The following HDC variants were observed in gnomAD, a reference collection of about 807,000 sequenced individuals.
The protein encoded by HDC is histidine decarboxylase.
Under a neutral mutation model 64.4 loss-of-function variants are expected in HDC, and 27 were observed. That is an observed-to-expected ratio of 0.42 (90% CI 0.31 to 0.58). The LOEUF (loss-of-function observed/expected upper bound fraction) is 0.58. Among genes scored for constraint, HDC ranks in the 20% least tolerant of loss-of-function variants. HDC has a pLI of 0.16. For missense variants in HDC, 711 were observed against 833.9 expected (o/e 0.85, Z 1.81); for synonymous variants, 305 against 314.2 (o/e 0.97, Z 0.31).
chr15:50,248,830 G>A lies in HDC; in HGVS notation c.1042-487C>T, dbSNP rs2045517089. On this transcript the variant is annotated intron_variant, in intron 9 of 11. Coordinates refer to ENST00000267845, the MANE Select transcript of HDC (RefSeq NM_002112.4). The surrounding 1 kb of genome is among the most constrained non-coding windows in gnomAD (Gnocchi z 4.3). ...CCTCCAGCTGTGCCACTTACTAGCT[G>A]TGTGACCTTGGGTAGTGCCACCTCA... 1.3e-5 allele frequency among the ~76,000 whole-genome samples: 2 copies of A among 152,340 alleles called. No homozygotes were observed. Among genetic ancestry groups the A allele is most frequent in the South Asian group, 2.1e-4 (1 of 4,830 alleles).
chr15:50,253,767 C>G, intron 6 of HDC, 101 bp from the exon 7 acceptor site: 1 of 886,192 alleles, frequency 1.1e-6, no homozygotes, highest in Non-Finnish European at 1.9e-6. Context: ...TCCCATCCAT[C>G]CCACCAGAAC....
In HDC at chr15:50,265,705, C is replaced by G; in HGVS notation, c.-82G>C. On this transcript the variant is annotated 5_prime_UTR_variant, in exon 1 of 12. Transcript: ENST00000267845. ...AAAGGCGTGGAGCAGCCCGGCTTCCCTCTTGCCAGTCCTGCGCACTCCCTG... is the reference window on the plus strand; with the variant it reads ...AAAGGCGTGGAGCAGCCCGGCTTCCGTCTTGCCAGTCCTGCGCACTCCCTG... 3 of 1,343,324 alleles carry G rather than the reference C, an allele frequency of 2.2e-6. No individual in the cohort carries two copies. The South Asian group carries it at 3.6e-5, about 16-fold the overall frequency. The allele number at this position is 1,343,324 out of a possible 1,614,324, so 83.2% of individuals were successfully genotyped here. A position where few individuals can be genotyped will look rare whatever the true frequency, so the allele number is the denominator to read the frequency against.
At chr15:50,263,444 T>G in intron 1 of HDC, 37 bp from the exon 2 acceptor site, 1 of 1,593,242 alleles carries the variant, frequency 6.3e-7, no homozygotes, top group Non-Finnish European at 8.6e-7. Flanking sequence ...TGAAATCCCC[T>G]GACTGGGCCT....
At position 50,252,499 on chromosome 15, in the gene HDC, C is replaced by T. The variant is rs752914665; in HGVS notation, c.972G>A (p.Leu324=). Reference sequence around the variant, plus strand: ...TGGGATTCACACTGAAGGTCTGCTGCAGCTTGTACTTGTCCTTGACCCTGT... The same window carrying T: ...TGGGATTCACACTGAAGGTCTGCTGTAGCTTGTACTTGTCCTTGACCCTGT... ...TGFWVKDKYK[L]QQTFSVNPIY... The change falls in exon 9 of 12, where the codon CTG becomes CTA. Residue 324 remains leucine (L), a synonymous_variant. Coordinates refer to ENST00000267845, the MANE Select transcript of HDC (RefSeq NM_002112.4). 2.5e-6 allele frequency: 4 copies of T among 1,614,210 alleles called. No homozygotes were observed. In the Admixed American group the frequency reaches 6.7e-5, roughly 27 times the overall value.
At chr15:50,251,805 C>A (rs2045558353) in intron 9 of HDC, among the ~76,000 whole-genome samples, 1 of 150,100 alleles carries the variant, frequency 6.7e-6, no homozygotes, top group Admixed American at 6.7e-5. Flanking sequence ...GCTCTCCAGC[C>A]TGGTTGACAG....
intron 9 of HDC, among the ~76,000 whole-genome samples, chr15:50,250,188 G>A (rs1436458499): frequency 6.6e-6 from 1 of 152,220 alleles, no homozygotes. Context: ...TCTCTCCTGG[G>A]ATGCTGCCCT....
At chr15:50,253,988 A>G in intron 6 of HDC, 142 bp downstream of exon 6, 1 of 847,692 alleles carries the variant, frequency 1.2e-6, no homozygotes, top group South Asian at 1.4e-5. Flanking sequence ...ACCTATGGAT[A>G]GCACCTCATG....
Position 50,248,428 on chromosome 15 carries a change from G to T in HDC, c.1042-85C>A. 1.1e-6 allele frequency: 1 copy of T among 903,758 alleles called. No individual in the cohort carries two copies. The highest frequency in any genetic ancestry group is 1.8e-6 in the Non-Finnish European group (1 of 552,998). 56.0% of individuals were successfully genotyped at this position (903,758 alleles called of 1,614,324 possible). A position where few individuals can be genotyped will look rare whatever the true frequency, so the allele number is the denominator to read the frequency against. On this transcript the variant is annotated intron_variant, in intron 9 of 11. Transcript: ENST00000267845. The surrounding 1 kb of genome is among the most constrained non-coding windows in gnomAD (Gnocchi z 4.3). ...CATTTCTGGGCATTATCTGTTGCCT[G>T]CCCAGCCCTCCAGGGATGGACGATG... is the stretch of plus-strand genomic sequence containing the variant.
intron 10 of HDC, among the ~76,000 whole-genome samples, chr15:50,244,077 C>G (rs189419093): frequency 6.6e-6 from 1 of 152,164 alleles, no homozygotes; most frequent in Non-Finnish European, 1.5e-5. Flanking sequence ...TTCATACCAT[C>G]TTTTTAAATG....
chr15:50,263,556 C>G (rs1405079243), intron 1 of HDC, 149 bp from the exon 2 acceptor site: 4 of 728,592 alleles, frequency 5.5e-6, no homozygotes, highest in Non-Finnish European at 9.6e-6. Flanking sequence ...AATCCCAGCA[C>G]TTTGGGAGGC....
chr15:50,247,428 T>G (rs957440361), intron 10 of HDC, among the ~76,000 whole-genome samples: 1 of 152,188 alleles, frequency 6.6e-6, no homozygotes, highest in African/African-American at 2.4e-5. Flanking sequence ...TAGTTACCGC[T>G]TCCACCACTT....
chr15:50,253,664 G>A lies in HDC; in HGVS notation c.723C>T (p.Val241=), dbSNP rs763566788. Residue 241 remains valine (V), a splice_region_variant and synonymous_variant, in exon 7 of 12, where the codon GTC becomes GTT. Coordinates refer to ENST00000267845, the MANE Select transcript of HDC (RefSeq NM_002112.4). ...CCCCAGTGGTCCCTAGTGTTGCACAGACCTAGGGGAAAATTAAGGCAAGTT... is the reference window on the plus strand; with the variant it reads ...CCCCAGTGGTCCCTAGTGTTGCACAAACCTAGGGGAAAATTAAGGCAAGTT... ...DKQRGLVPVF[V]CATLGTTGVC... 43 of 1,612,724 alleles carry A rather than the reference G, an allele frequency of 2.7e-5. No homozygotes were observed. The highest frequency in any genetic ancestry group is 1.3e-4 in the Admixed American group (8 of 59,998).
chr15:50,254,553 G>A lies in HDC; in HGVS notation c.553C>T (p.Leu185Phe), dbSNP rs780307521. 2 of 1,614,254 alleles carry A rather than the reference G, an allele frequency of 1.2e-6. No homozygotes were observed. Among genetic ancestry groups the A allele is most frequent in the African/African-American group, 1.3e-5 (1 of 75,070 alleles). Reference sequence around the variant, plus strand: ...ACCTGGTCAGAGGCATAGGCCACGAGTCGGGCATTTAGGCAGGACTCATCA... The same window carrying A: ...ACCTGGTCAGAGGCATAGGCCACGAATCGGGCATTTAGGCAGGACTCATCA... ...DADESCLNAR[L>F]VAYASDQAHS... The change falls in exon 5 of 12, where the codon CTC becomes TTC. Residue 185 changes from leucine (L) to phenylalanine (F), a missense_variant. By Grantham distance (22) the Leu-to-Phe change is conservative. Transcript: ENST00000267845.
chr15:50,261,445 GA>G (rs1014350430), intron 2 of HDC, among the ~76,000 whole-genome samples: 13 of 152,228 alleles, frequency 8.5e-5, no homozygotes, highest in African/African-American at 3.1e-4. Flanking sequence ...AAATGCTTGT[GA>G]AATAGGCTGA....
Position 50,254,581 on chromosome 15 carries a change from A to G in HDC, c.525T>C (p.Asp175=), listed in dbSNP as rs770270706. ...KILEMKTSEP[D]ADESCLNARL... ...GGGCATTTAGGCAGGACTCATCAGC[A>G]TCGGGCTCAGACGTTTTCATTTCCA... The change falls in exon 5 of 12, where the codon GAT becomes GAC. Residue 175 remains aspartate, a synonymous_variant. Transcript: ENST00000267845. The G allele has an allele frequency of 6.2e-7, 1 of 1,614,246 alleles. No homozygotes were observed. Among genetic ancestry groups the G allele is most frequent in the Non-Finnish European group, 8.5e-7 (1 of 1,180,046 alleles).
chr15:50,253,446 G>A (rs1567451271), intron 7 of HDC, 154 bp downstream of exon 7: 2 of 753,404 alleles, frequency 2.7e-6, no homozygotes, highest in East Asian at 2.6e-5. Context: ...ATCCCTGGAA[G>A]AGACCCTCAT....
At chr15:50,262,798 G>A in intron 2 of HDC, among the ~76,000 whole-genome samples, 1 of 152,122 alleles carries the variant, frequency 6.6e-6, no homozygotes, top group African/African-American at 2.4e-5. Context: ...TCTTTGGTGT[G>A]GTCTCAGACA....
In HDC at chr15:50,254,624, G is replaced by T. The variant is rs1188351365; in HGVS notation, c.482C>A (p.Ala161Glu). 6.2e-7 allele frequency: 1 copy of T among 1,614,064 alleles called. No individual in the cohort carries two copies. Among genetic ancestry groups the T allele is most frequent in the South Asian group, 1.1e-5 (1 of 91,080 alleles). The change falls in exon 5 of 12, where the codon GCA becomes GAA. Residue 161 changes from alanine (A) to glutamate (E), a missense_variant. Ala to Glu is a moderately radical substitution (Grantham distance 107). Around this residue, in one of 3 missense-constraint regions of HDC, gnomAD observed 225 missense variants for 276.2 expected, o/e 0.81. Transcript: ENST00000267845. ...SESTLIALLA[A>E]RKNKILEMKT... ...CATTTCCAGGATTTTGTTCTTCCTT[G>T]CTGCCAGCAGGGCAATCAAAGTGGA...
At chr15:50,247,900 T>C (rs2045503368) in intron 10 of HDC, among the ~76,000 whole-genome samples, 10 of 152,160 alleles carry the variant, frequency 6.6e-5, no homozygotes, top group Admixed American at 6.5e-4. Context: ...CCAAAGCAGA[T>C]AGGATCCTAC....
Sources: allele counts gnomAD v4.1 joint callset (sites outside exome capture counted in the v4.1 genomes callset), GRCh38; gene constraint gnomAD v4.1.1; regional missense constraint gnomAD v4.1.1; non-coding constraint Gnocchi (gnomAD v3.1); transcripts MANE v1.5; gene names NCBI Gene and HGNC (gene_info 2026-07-23, HGNC 2026-07-21).